The following FHIT variants were observed in gnomAD, a reference collection of about 807,000 sequenced individuals.
FHIT encodes the protein fragile histidine triad diadenosine triphosphatase.
Under a neutral mutation model 17.9 loss-of-function variants are expected in FHIT, and 19 were observed. The ratio of observed to expected loss-of-function variants is 1.06; its 90% CI spans 0.74 to 1.56. The LOEUF (loss-of-function observed/expected upper bound fraction) is 1.56. Ranked by LOEUF, FHIT falls within the 40% of genes most tolerant of loss-of-function variation. The pLI is 0.00. For missense variants in FHIT, 248 were observed against 189.2 expected, an observed-to-expected ratio of 1.31 and a Z score of -1.82; for synonymous variants, 81 against 69.7, an observed-to-expected ratio of 1.16 and a Z score of -0.81.
chr3:61,108,223 C>A (rs1349585645), intron 2 of FHIT, among the ~76,000 whole-genome samples: 1 of 152,134 alleles, frequency 6.6e-6, no homozygotes, highest in African/African-American at 2.4e-5. Context: ...ATAATGTTCA[C>A]TAACCCATAC....
chr3:59,795,159 G>T (rs916727070), intron 8 of FHIT, among the ~76,000 whole-genome samples: 1 of 152,184 alleles, frequency 6.6e-6, no homozygotes, highest in Admixed American at 6.5e-5. Flanking sequence ...GCTGAGGCAT[G>T]CGGATTACTT....
At chr3:60,496,823 T>C (rs6801616) in intron 5 of FHIT, among the ~76,000 whole-genome samples, 77,368 of 152,008 alleles carry the variant, frequency 0.51, 21,130 homozygotes, top group East Asian at 0.72. Flanking sequence ...CTTCATTTAT[T>C]CATGTAGCTG....
At chr3:59,796,367 A>G (rs972644164) in intron 8 of FHIT, among the ~76,000 whole-genome samples, 3 of 151,950 alleles carry the variant, frequency 2.0e-5, no homozygotes, top group African/African-American at 7.3e-5. Flanking sequence ...TTCCTCTTTA[A>G]GGTCCTTACA....
At chr3:59,791,238 G>A (rs1699543436) in intron 8 of FHIT, among the ~76,000 whole-genome samples, 1 of 152,182 alleles carries the variant, frequency 6.6e-6, no homozygotes, top group African/African-American at 2.4e-5. Flanking sequence ...TTCTGGCCAT[G>A]GTTATTGGCT....
chr3:60,534,355 C>T (rs1655279330), intron 5 of FHIT, among the ~76,000 whole-genome samples: 1 of 141,048 alleles, frequency 7.1e-6, no homozygotes, highest in African/African-American at 2.6e-5. Flanking sequence ...ATGGCGTGAA[C>T]CCGGGAAGCG....
intron 4 of FHIT, among the ~76,000 whole-genome samples, chr3:60,757,254 C>T (rs1699461937): frequency 6.6e-6 from 1 of 152,048 alleles, no homozygotes. Context: ...CTCAATCACC[C>T]AATATTTATT....
intron 5 of FHIT, among the ~76,000 whole-genome samples, chr3:60,289,936 C>T (rs887217942): frequency 8.5e-5 from 13 of 152,142 alleles, no homozygotes; most frequent in African/African-American, 2.7e-4. Context: ...CATATTGTTC[C>T]CTCCTGGCCC....
In FHIT at chr3:60,000,983, C is replaced by T. The variant is rs868093450; in HGVS notation, c.279+10388G>A. ...GAATGGTCTTTCTTCTCCAGCTCTT[C>T]GCTGGCTAGGCGCCTGTCGTTCCCT... On this transcript the variant is annotated intron_variant, in intron 7 of 9. Transcript: ENST00000492590. Among the ~76,000 whole-genome samples the T allele has an allele frequency of 3.3e-5, 5 of 152,282 alleles. 1 individual carries two copies. The highest frequency in any genetic ancestry group is 7.2e-5 in the African/African-American group (3 of 41,568).
At chr3:61,043,757 C>G (rs976317210) in intron 2 of FHIT, among the ~76,000 whole-genome samples, 2 of 152,198 alleles carry the variant, frequency 1.3e-5, no homozygotes, top group African/African-American at 4.8e-5. Flanking sequence ...CTCACACAGC[C>G]AAGTACCCCT....
At chr3:59,784,037 T>G (rs1009952538) in intron 8 of FHIT, among the ~76,000 whole-genome samples, 2 of 152,162 alleles carry the variant, frequency 1.3e-5, no homozygotes, top group African/African-American at 4.8e-5. Flanking sequence ...TTTGTACTTT[T>G]CAATTAGCAC....
intron 4 of FHIT, among the ~76,000 whole-genome samples, chr3:60,681,121 C>G (rs1281401706): frequency 2.6e-5 from 4 of 152,168 alleles, no homozygotes. Flanking sequence ...TTTGTGGCAA[C>G]TTTGCATCTA....
intron 4 of FHIT, among the ~76,000 whole-genome samples, chr3:60,601,559 A>AG (rs1373906310): frequency 2.0e-5 from 3 of 152,218 alleles, no homozygotes; most frequent in Non-Finnish European, 4.4e-5. Context: ...ACACCAGTTA[A>AG]GAAAAACAAC....
intron 5 of FHIT, among the ~76,000 whole-genome samples, chr3:60,534,389 C>A (rs1312864779): frequency 1.5e-5 from 2 of 130,958 alleles, no homozygotes; most frequent in Non-Finnish European, 3.1e-5. Context: ...GCCGAGATTG[C>A]GCCACTGCAG....
chr3:60,672,949 C>A (rs1426777339), intron 4 of FHIT, among the ~76,000 whole-genome samples: 4 of 143,992 alleles, frequency 2.8e-5, no homozygotes, highest in African/African-American at 1.0e-4. Flanking sequence ...CTTATCTTAT[C>A]AAAATCTACC....
intron 5 of FHIT, among the ~76,000 whole-genome samples, chr3:60,371,534 G>A (rs375415973): frequency 6.6e-6 from 1 of 151,208 alleles, no homozygotes; most frequent in Admixed American, 6.6e-5. Flanking sequence ...TCAAGTAGTC[G>A]GTTTTTAACT....
chr3:61,233,546 A>G (rs1046326707), intron 1 of FHIT, among the ~76,000 whole-genome samples: 1 of 152,256 alleles, frequency 6.6e-6, no homozygotes, highest in Non-Finnish European at 1.5e-5. Flanking sequence ...GTTACAAAAC[A>G]GTATATAAAT....
At chr3:61,210,042 C>A (rs942184465) in intron 1 of FHIT, among the ~76,000 whole-genome samples, 6 of 152,224 alleles carry the variant, frequency 3.9e-5, no homozygotes, top group South Asian at 2.1e-4. Context: ...TCAGGATGCT[C>A]AGCTGCAGGT....
At chr3:60,108,665 CTTTTT>C (rs67464031) in intron 5 of FHIT, among the ~76,000 whole-genome samples, 1 of 143,886 alleles carries the variant, frequency 6.9e-6, no homozygotes, top group Non-Finnish European at 1.5e-5. Context: ...AGTTACTTCT[CTTTTT>C]TTTTTTTTTT....
At chr3:60,577,437 G>T (rs550316196) in intron 4 of FHIT, among the ~76,000 whole-genome samples, 1 of 152,116 alleles carries the variant, frequency 6.6e-6, no homozygotes, top group Non-Finnish European at 1.5e-5. Flanking sequence ...GAATTATGAG[G>T]ATTCAGATGT....
Sources: allele counts gnomAD v4.1 joint callset (sites outside exome capture counted in the v4.1 genomes callset), GRCh38; gene constraint gnomAD v4.1.1; transcripts MANE v1.5; gene names NCBI Gene and HGNC (gene_info 2026-07-23, HGNC 2026-07-21).